The following CR1 variants were observed in gnomAD, a reference collection of about 807,000 sequenced individuals.
The protein encoded by CR1 is complement C3b/C4b receptor 1 (Knops blood group), also known as complement receptor type 1.
In CR1, 116 loss-of-function variants were observed where a neutral mutation model predicts 187.3. The observed-to-expected ratio is 0.62, with a 90% confidence interval of 0.53 to 0.72. The LOEUF is 0.72. Among genes scored for constraint, CR1 ranks in the 30% least tolerant of loss-of-function variants. The pLI is 0.00. For synonymous variants in CR1, 576 were observed against 747.1 expected, an observed-to-expected ratio of 0.77 and a Z score of 3.73; for missense variants, 1,731 against 2,110.7, an observed-to-expected ratio of 0.82 and a Z score of 3.52.
chr1:207,614,758 C>T (rs1354052741), intron 40 of CR1, among the ~76,000 whole-genome samples: 3 of 151,986 alleles, frequency 2.0e-5, no homozygotes, highest in South Asian at 2.1e-4. Context: ...AGGTGCAGCA[C>T]GTTTTAGTCA....
At chr1:207,568,147 G>C in intron 25 of CR1, 105 bp downstream of exon 25, 1 of 1,593,500 alleles carries the variant, frequency 6.3e-7, no homozygotes, top group Non-Finnish European at 8.5e-7. Flanking sequence ...GTATGCATTT[G>C]CCACAATGGA....
chr1:207,617,320 G>A (rs751762449), intron 41 of CR1, among the ~76,000 whole-genome samples: 1 of 150,674 alleles, frequency 6.6e-6, no homozygotes, highest in Non-Finnish European at 1.5e-5. Context: ...GACTATGTTT[G>A]TTTGATCCTT....
chr1:207,631,078 C>T (rs1662631311), intron 46 of CR1, among the ~76,000 whole-genome samples: 1 of 151,974 alleles, frequency 6.6e-6, no homozygotes, highest in Admixed American at 6.5e-5. Flanking sequence ...CATTTGGCCT[C>T]TTTGACTGCT....
At position 207,613,379 on chromosome 1, in the gene CR1, A is replaced by G. The variant is rs149937749; in HGVS notation, c.6576-1025A>G. ...AAAGACACCACTCAAAGGTGGGCAC[A>G]ACAGTGTAAAAAACCAATTAGGGAA... On this transcript the variant is annotated intron_variant, in intron 39 of 46. Coordinates refer to ENST00000367049, the MANE Select transcript of CR1 (RefSeq NM_000651.6). Among the ~76,000 whole-genome samples, 253 of 152,296 alleles carry G rather than the reference A, an allele frequency of 1.7e-3. 3 individuals are homozygous for G. The highest frequency in any genetic ancestry group is 6.0e-3 in the African/African-American group (250 of 41,568).
At chr1:207,514,756 G>A (rs1659730876) in intron 4 of CR1, among the ~76,000 whole-genome samples, 1 of 151,800 alleles carries the variant, frequency 6.6e-6, no homozygotes, top group African/African-American at 2.4e-5. Flanking sequence ...TTCTTGTAAT[G>A]TCCTTAATAA....
chr1:207,630,414 G>C (rs919112630), intron 45 of CR1, 103 bp from the exon 46 acceptor site: 2 of 689,470 alleles, frequency 2.9e-6, no homozygotes, highest in Non-Finnish European at 4.6e-6. Flanking sequence ...AGGAACTTAA[G>C]GCAAATAATA....
At chr1:207,616,406 T>C (rs990414629) in intron 40 of CR1, among the ~76,000 whole-genome samples, 169 bp from the exon 41 acceptor site, 1 of 152,208 alleles carries the variant, frequency 6.6e-6, no homozygotes, top group African/African-American at 2.4e-5. Context: ...AGGTCTCACT[T>C]CAGTTAGTTG....
At chr1:207,611,884 C>G in intron 38 of CR1, 31 bp downstream of exon 38, 1 of 1,613,796 alleles carries the variant, frequency 6.2e-7, no homozygotes, top group Non-Finnish European at 8.5e-7. Flanking sequence ...CCAGATTGCT[C>G]TGTTTTCCCC....
At chr1:207,520,262 G>A (rs1659933417) in intron 4 of CR1, among the ~76,000 whole-genome samples, 1 of 152,078 alleles carries the variant, frequency 6.6e-6, no homozygotes, top group Non-Finnish European at 1.5e-5. Flanking sequence ...ACTGCCTCCT[G>A]GTGACCACCT....
chr1:207,638,300 C>T (rs969425523), intron 46 of CR1, among the ~76,000 whole-genome samples: 1 of 152,182 alleles, frequency 6.6e-6, no homozygotes, highest in Non-Finnish European at 1.5e-5. Context: ...ACTCCCATTA[C>T]AGCAAAACAA....
chr1:207,586,739 T>A (rs1334657810), intron 33 of CR1, among the ~76,000 whole-genome samples: 1 of 152,178 alleles, frequency 6.6e-6, no homozygotes, highest in African/African-American at 2.4e-5. Flanking sequence ...CCTTTTCCCC[T>A]GTGTCTCTAT....
At position 207,523,935 on chromosome 1, in the gene CR1, T is replaced by G. The variant is rs770207666; in HGVS notation, c.812T>G (p.Val271Gly). ...GAGTTTAGGTGTCAGCCTGGCTTTGTCATGAAAGGACCCCGCCGTGTGAAG... is the reference window on the plus strand; with the variant it reads ...GAGTTTAGGTGTCAGCCTGGCTTTGGCATGAAAGGACCCCGCCGTGTGAAG... Reference protein sequence around the residue: ...VVEFRCQPGFVMKGPRRVKCQ... With the variant: ...VVEFRCQPGFGMKGPRRVKCQ... Residue 271 changes from valine (V) to glycine (G), a missense_variant, in exon 5 of 47, where the codon GTC becomes GGC. Physicochemically the swap from Val to Gly is moderately radical, Grantham distance 109. This residue lies in a region of CR1 where 131 missense variants were observed against 196.8 expected (regional missense o/e 0.67). Transcript: ENST00000367049. 16 of 1,611,510 alleles carry G rather than the reference T, an allele frequency of 9.9e-6. No homozygotes were observed. Among genetic ancestry groups the G allele is most frequent in the East Asian group, 2.2e-5 (1 of 44,900 alleles).
rs756221326 is a variant in CR1, at chr1:207,582,004, G to C, written c.5302+1G>C. The C allele has an allele frequency of 6.2e-7, 1 of 1,600,968 alleles. No individual in the cohort carries two copies. Among genetic ancestry groups the C allele is most frequent in the South Asian group, 1.1e-5 (1 of 90,584 alleles). On this transcript the variant is annotated splice_donor_variant, in intron 32 of 46. Coordinates refer to ENST00000367049, the MANE Select transcript of CR1 (RefSeq NM_000651.6). LOFTEE classifies it high-confidence loss of function. The stretch of plus-strand genomic sequence containing the variant: ...AATAACAGTGTTCCTGTGTGTGAAC[G>C]TGAGTAGATGGAATACTTGTTCAGT...
rs1454745903 is a variant in CR1, at chr1:207,619,785, G to A, written c.7067-95G>A. On this transcript the variant is annotated intron_variant, in intron 42 of 46. Coordinates refer to ENST00000367049, the MANE Select transcript of CR1 (RefSeq NM_000651.6). ...AAAACATGCTTCCTCTTAGCCAAGG[G>A]CAAAATAGGTTTTGGCTATTTTCTC... is the stretch of plus-strand genomic sequence containing the variant. 6.4e-6 allele frequency: 7 copies of A among 1,087,016 alleles called. No individual in the cohort carries two copies. In the East Asian group the frequency reaches 1.6e-4, roughly 24 times the overall value. The allele number at this position is 1,087,016 out of a possible 1,614,324, so 67.3% of individuals were successfully genotyped here.
intron 4 of CR1, among the ~76,000 whole-genome samples, chr1:207,515,869 A>G (rs1471505536): frequency 1.3e-5 from 2 of 152,082 alleles, no homozygotes; most frequent in East Asian, 3.8e-4. Flanking sequence ...ACATTTTAAT[A>G]ATATTCAATT....
At chr1:207,597,727 C>T (rs990882566) in intron 35 of CR1, among the ~76,000 whole-genome samples, 3 of 152,146 alleles carry the variant, frequency 2.0e-5, no homozygotes, top group African/African-American at 7.2e-5. Flanking sequence ...ACCATATAAC[C>T]AGCAATTCTG....
At chr1:207,501,752 C>A (rs2102331639) in intron 1 of CR1, among the ~76,000 whole-genome samples, 1 of 152,280 alleles carries the variant, frequency 6.6e-6, no homozygotes, top group East Asian at 1.9e-4. Flanking sequence ...GTGACATTTA[C>A]CCTCTCTCAA....
intron 3 of CR1, among the ~76,000 whole-genome samples, chr1:207,510,395 T>C (rs1023017025): frequency 4.6e-5 from 7 of 152,226 alleles, no homozygotes; most frequent in African/African-American, 1.7e-4. Flanking sequence ...AAGCTTTATG[T>C]TGCCAGGTTT....
At chr1:207,614,721 T>C (rs1662044632) in intron 40 of CR1, among the ~76,000 whole-genome samples, 1 of 152,210 alleles carries the variant, frequency 6.6e-6, no homozygotes, top group Admixed American at 6.5e-5. Context: ...TTGTGGGGAA[T>C]GTGTGGCAAG....
Sources: allele counts gnomAD v4.1 joint callset (sites outside exome capture counted in the v4.1 genomes callset), GRCh38; gene constraint gnomAD v4.1.1; regional missense constraint gnomAD v4.1.1; transcripts MANE v1.5; gene names NCBI Gene and HGNC (gene_info 2026-07-23, HGNC 2026-07-21).